CFAP47: variants seen among roughly 807,000 people sequenced by gnomAD.
CFAP47 encodes the protein cilia and flagella associated protein 47.
In CFAP47, 29 loss-of-function variants were observed where a neutral mutation model predicts 148.1. The observed-to-expected ratio is 0.20, with a 90% CI of 0.15 to 0.27. The LOEUF is 0.27. Ranked by LOEUF, CFAP47 falls within the 10% of genes least tolerant of loss-of-function variation. The pLI is 1.00. For missense variants in CFAP47, 1,872 were observed against 1,697.5 expected, an observed-to-expected ratio of 1.10 and a Z score of -1.81; for synonymous variants, 664 against 577.3, an observed-to-expected ratio of 1.15 and a Z score of -2.15.
intron 50 of CFAP47, among the ~76,000 whole-genome samples, chrX:36,280,866 T>C (rs1941071777): frequency 8.9e-6 from 1 of 112,132 alleles, no homozygotes; most frequent in South Asian, 3.6e-4. Context: ...CACTCTTTCA[T>C]AATTGAAAAG....
rs191841652 is a variant in CFAP47 at position 36,213,526 on chromosome X, A to G, written c.6817+8416A>G. Among the ~76,000 whole-genome samples, 583 of 112,035 alleles carry G rather than the reference A, an allele frequency of 5.2e-3. 1 individual carries two copies. Among genetic ancestry groups the G allele is most frequent in the African/African-American group, 0.018 (551 of 30,813 alleles). On this transcript the variant is annotated intron_variant, in intron 45 of 63. Coordinates refer to ENST00000378653, the MANE Select transcript of CFAP47 (RefSeq NM_001304548.2). ...GTGTAGTTAATCCATGTATTAGAAT[A>G]AATTGGGGAACCACCACTTGCACAG... is the stretch of plus-strand genomic sequence containing the variant.
chrX:35,953,340 G>A (rs1197145629), intron 6 of CFAP47, among the ~76,000 whole-genome samples: 2 of 111,640 alleles, frequency 1.8e-5, no homozygotes, highest in East Asian at 5.6e-4. Flanking sequence ...TGATGACTTG[G>A]TATATTTAAA....
At chrX:36,341,098 C>T (rs1941649155) in intron 57 of CFAP47, among the ~76,000 whole-genome samples, 1 of 102,089 alleles carries the variant, frequency 9.8e-6, no homozygotes, top group African/African-American at 3.6e-5. Flanking sequence ...TGCAGTGGTG[C>T]GATCTCGGCT....
intron 44 of CFAP47, among the ~76,000 whole-genome samples, chrX:36,202,873 G>A (rs1480703585): frequency 1.0e-5 from 1 of 99,289 alleles, no homozygotes; most frequent in African/African-American, 3.7e-5. Flanking sequence ...GTGAAACTCC[G>A]TCTCAAAAAA....
chrX:36,057,332 G>A (rs1293459132), intron 26 of CFAP47, among the ~76,000 whole-genome samples: 1 of 111,889 alleles, frequency 8.9e-6, no homozygotes, highest in Non-Finnish European at 1.9e-5. Flanking sequence ...GAATTAGAGT[G>A]GTGGTTGTTA....
At position 35,970,761 on chromosome X, in the gene CFAP47, A is replaced by G; in HGVS notation, c.1815-7A>G. 1 of 1,158,558 alleles carries G rather than the reference A, an allele frequency of 8.6e-7. No individual in the cohort carries two copies. Among genetic ancestry groups the G allele is most frequent in the Non-Finnish European group, 1.2e-6 (1 of 867,792 alleles). Reference sequence around the variant, plus strand: ...AAAAATATTAACATGACTTGCTTATATTGCAGGCCAATTTTCACAAAAGTT... The same window carrying G: ...AAAAATATTAACATGACTTGCTTATGTTGCAGGCCAATTTTCACAAAAGTT... On this transcript the variant is annotated splice_region_variant and splice_polypyrimidine_tract_variant and intron_variant, in intron 10 of 63. Coordinates refer to ENST00000378653, the MANE Select transcript of CFAP47 (RefSeq NM_001304548.2).
At chrX:36,367,242 T>A in intron 62 of CFAP47, 115 bp downstream of exon 62, 1 of 484,784 alleles carries the variant, frequency 2.1e-6, no homozygotes, top group Admixed American at 5.0e-5. Flanking sequence ...CAGCGCAACA[T>A]TGGTTCTCTG....
At chrX:35,927,311 C>T (rs1229848321) in intron 2 of CFAP47, among the ~76,000 whole-genome samples, 1 of 111,549 alleles carries the variant, frequency 9.0e-6, no homozygotes, top group African/African-American at 3.3e-5. Flanking sequence ...AGGAAAAAAA[C>T]AAGCTATTAA....
intron 61 of CFAP47, among the ~76,000 whole-genome samples, chrX:36,362,753 A>G (rs1378371015): frequency 8.9e-6 from 1 of 112,095 alleles, no homozygotes; most frequent in Non-Finnish European, 1.9e-5. Flanking sequence ...CGATGTAGTC[A>G]TACATCTAAA....
At chrX:36,339,789 A>G (rs1382240945) in intron 57 of CFAP47, among the ~76,000 whole-genome samples, 5 of 112,370 alleles carry the variant, frequency 4.4e-5, no homozygotes, top group African/African-American at 9.7e-5. Context: ...TCTTAAAAAG[A>G]AAACATAAAA....
In CFAP47 at chrX:35,989,880, A is replaced by G. The variant is rs141522716; in HGVS notation, c.2844+431A>G. 3.0e-3 allele frequency: 391 copies of G among 130,678 alleles called. 8 individuals carry two copies. In the East Asian group the frequency reaches 0.052, roughly 18 times the overall value. The allele number at this position is 130,678 out of a possible 1,213,427, so 10.8% of individuals were successfully genotyped here. A position where few individuals can be genotyped will look rare whatever the true frequency, so the allele number is the denominator to read the frequency against. The stretch of plus-strand genomic sequence containing the variant: ...ACTAAACCCCATCTATATTTCTAGG[A>G]CATGATGATACTCTTACATATTTCA... On this transcript the variant is annotated intron_variant, in intron 16 of 63. Coordinates refer to ENST00000378653, the MANE Select transcript of CFAP47 (RefSeq NM_001304548.2).
intron 39 of CFAP47, among the ~76,000 whole-genome samples, chrX:36,164,138 T>C (rs1362689040): frequency 9.0e-6 from 1 of 111,620 alleles, no homozygotes; most frequent in Non-Finnish European, 1.9e-5. Flanking sequence ...ATGAGAAGAA[T>C]CTATATTTTG....
rs1472263294 is a variant in CFAP47, at chrX:36,160,749, C to G, written c.6006C>G (p.Phe2002Leu). The change falls in exon 39 of 64, where the codon TTC becomes TTG. Residue 2002 changes from phenylalanine to leucine, a missense_variant. Physicochemically the swap from Phe to Leu is conservative, Grantham distance 22. Transcript: ENST00000378653. ...QEVTVNVKNP[F>L]HTAGDFSVIL... ...TCACTGTAAATGTGAAAAACCCCTT[C>G]CATACGGCTGGGGACTTCAGGTAAG... 3.4e-6 allele frequency: 1 copy of G among 294,123 alleles called. No homozygotes were observed. The highest frequency in any genetic ancestry group is 2.8e-5 in the African/African-American group (1 of 36,154). The allele number at this position is 294,123 out of a possible 1,213,427, so 24.2% of individuals were successfully genotyped here.
At chrX:35,972,254 G>C (rs1936505862) in intron 13 of CFAP47, among the ~76,000 whole-genome samples, 1 of 110,519 alleles carries the variant, frequency 9.0e-6, no homozygotes, top group South Asian at 3.9e-4. Flanking sequence ...TTTTGAGACA[G>C]AGTCTCACTC....
chrX:36,355,505 T>C (rs1941778460), intron 60 of CFAP47, among the ~76,000 whole-genome samples: 1 of 111,453 alleles, frequency 9.0e-6, no homozygotes, highest in African/African-American at 3.3e-5. Flanking sequence ...ATAAAGAAAA[T>C]GTAGCATATA....
chrX:36,132,468 A>T (rs1938965986), intron 33 of CFAP47, among the ~76,000 whole-genome samples: 1 of 111,883 alleles, frequency 8.9e-6, no homozygotes, highest in African/African-American at 3.2e-5. Flanking sequence ...CTGCATTTTC[A>T]ACAAGCTTCC....
At chrX:36,051,385 C>T (rs1937519556) in intron 26 of CFAP47, among the ~76,000 whole-genome samples, 1 of 112,031 alleles carries the variant, frequency 8.9e-6, no homozygotes, top group Non-Finnish European at 1.9e-5. Context: ...GGTGGAGCTG[C>T]TCAAGACCAT....
chrX:36,020,217 A>G (rs755374271), intron 22 of CFAP47, among the ~76,000 whole-genome samples: 4 of 111,986 alleles, frequency 3.6e-5, no homozygotes, highest in Non-Finnish European at 5.6e-5. Flanking sequence ...TATAATTTCA[A>G]ATTTTGAATG....
At chrX:36,143,210 G>C (rs1294639895) in intron 35 of CFAP47, among the ~76,000 whole-genome samples, 1 of 112,023 alleles carries the variant, frequency 8.9e-6, no homozygotes, top group East Asian at 2.8e-4. Context: ...CTTTCTGTCA[G>C]TCTTTTGCCC....
Sources: allele counts gnomAD v4.1 joint callset (sites outside exome capture counted in the v4.1 genomes callset), GRCh38; gene constraint gnomAD v4.1.1; transcripts MANE v1.5; gene names NCBI Gene and HGNC (gene_info 2026-07-23, HGNC 2026-07-21).